OTUD7A: variants seen among roughly 807,000 people sequenced by gnomAD.
OTUD7A encodes OTU domain-containing protein 7A.
OTUD7A carries 12 observed loss-of-function variants against 65.7 expected under a neutral mutation model. That is an observed-to-expected ratio of 0.18 (90% confidence interval 0.12 to 0.30). OTUD7A has a LOEUF of 0.30. Among genes scored for constraint, OTUD7A ranks in the 10% least tolerant of loss-of-function variants. OTUD7A has a pLI of 1.00. For missense variants in OTUD7A, 1,148 were observed against 1,304.8 expected, an observed-to-expected ratio of 0.88 and a Z score of 1.85; for synonymous variants, 641 against 586.3, an observed-to-expected ratio of 1.09 and a Z score of -1.35.
intron 1 of OTUD7A, among the ~76,000 whole-genome samples, chr15:31,846,678 C>T (rs1171752607): frequency 2.0e-5 from 3 of 152,174 alleles, no homozygotes; most frequent in Non-Finnish European, 2.9e-5. Flanking sequence ...AACACAGTGT[C>T]ACATGGCCAC....
Position 31,527,244 on chromosome 15 carries a change from C to T in OTUD7A, c.717G>A (p.Thr239=), listed in dbSNP as rs148317815. 208 of 1,614,222 alleles carry T rather than the reference C, an allele frequency of 1.3e-4. 1 individual carries two copies. In the African/African-American group the frequency reaches 1.6e-3, roughly 13 times the overall value. ...LRKALYTMMR[T]GAEREALKRR... Reference sequence around the variant, plus strand: ...GCTTCAGGGCTTCCCTCTCAGCTCCCGTCCTCATCATGGTATAGAGAGCTT... The same window carrying T: ...GCTTCAGGGCTTCCCTCTCAGCTCCTGTCCTCATCATGGTATAGAGAGCTT... Residue 239 remains threonine (T), a synonymous_variant, in exon 7 of 13, where the codon ACG becomes ACA. Coordinates refer to ENST00000307050, the MANE Select transcript of OTUD7A (RefSeq NM_001382637.1).
chr15:31,753,310 A>C (rs954385484), intron 1 of OTUD7A, among the ~76,000 whole-genome samples: 2 of 152,098 alleles, frequency 1.3e-5, no homozygotes, highest in Non-Finnish European at 2.9e-5. Context: ...ATATTTATTT[A>C]TATTTCCATA....
chr15:31,515,476 C>T (rs1317424645), intron 8 of OTUD7A, among the ~76,000 whole-genome samples: 7 of 152,150 alleles, frequency 4.6e-5, no homozygotes, highest in Non-Finnish European at 1.0e-4. Flanking sequence ...ATTCATTGAG[C>T]ACTTACTATA....
chr15:31,764,448 T>A (rs1261366356), intron 1 of OTUD7A, among the ~76,000 whole-genome samples: 5 of 152,082 alleles, frequency 3.3e-5, no homozygotes, highest in Admixed American at 1.3e-4. Flanking sequence ...ATATATTTCT[T>A]TACACTTAAG....
intron 3 of OTUD7A, among the ~76,000 whole-genome samples, chr15:31,595,593 TACAAAGTATC>T (rs1889880436): frequency 6.6e-6 from 1 of 152,354 alleles, no homozygotes; most frequent in African/African-American, 2.4e-5. Context: ...CATCATTTCC[TACAAAGTATC>T]ACACACATAG....
intron 8 of OTUD7A, among the ~76,000 whole-genome samples, chr15:31,514,240 G>A (rs1172134309): frequency 6.6e-6 from 1 of 151,670 alleles, no homozygotes; most frequent in South Asian, 2.1e-4. Flanking sequence ...TTGTAGAGAC[G>A]GGGTCTCGCT....
At chr15:31,727,039 C>G (rs1478134845) in intron 1 of OTUD7A, among the ~76,000 whole-genome samples, 1 of 152,224 alleles carries the variant, frequency 6.6e-6, no homozygotes, top group Non-Finnish European at 1.5e-5. Flanking sequence ...AGGCTGTGGA[C>G]CAGGGCCATG....
Position 31,487,090 on chromosome 15 carries a change from C to T in OTUD7A, c.1371+104G>A. The T allele has an allele frequency of 8.6e-7, 1 of 1,158,518 alleles. No homozygotes were observed. Among genetic ancestry groups the T allele is most frequent in the South Asian group, 1.4e-5 (1 of 70,894 alleles). 71.8% of individuals were successfully genotyped at this position (1,158,518 alleles called of 1,614,324 possible). On this transcript the variant is annotated intron_variant, in intron 12 of 12. Coordinates refer to ENST00000307050, the MANE Select transcript of OTUD7A (RefSeq NM_001382637.1). This position sits in a 1 kb window ranked among gnomAD's most constrained non-coding sequence, Gnocchi z 6.0. ...GCTGGGGTGGGCGGCCGGGCAGGGGCAGGCAAGAGTGTGGGAGCATTTGGG... is the reference window on the plus strand; with the variant it reads ...GCTGGGGTGGGCGGCCGGGCAGGGGTAGGCAAGAGTGTGGGAGCATTTGGG...
chr15:31,861,483 TG>T (rs544778740), intron 1 of OTUD7A, among the ~76,000 whole-genome samples: 1 of 152,126 alleles, frequency 6.6e-6, no homozygotes, highest in South Asian at 2.1e-4. Flanking sequence ...AGATTGTAAA[TG>T]GGATAAGTCA....
chr15:31,861,133 T>C (rs1034447461), intron 1 of OTUD7A, among the ~76,000 whole-genome samples: 2 of 152,104 alleles, frequency 1.3e-5, no homozygotes, highest in African/African-American at 4.8e-5. Context: ...AGGGAACTAA[T>C]TTTGTACAGA....
At chr15:31,561,689 A>G (rs563598109) in intron 4 of OTUD7A, among the ~76,000 whole-genome samples, 1 of 152,262 alleles carries the variant, frequency 6.6e-6, no homozygotes, top group Non-Finnish European at 1.5e-5. Context: ...TGCGTTGAAG[A>G]TCATATAAAA....
chr15:31,518,484 AAAGT>A (rs1241879826), intron 8 of OTUD7A, among the ~76,000 whole-genome samples: 4 of 152,146 alleles, frequency 2.6e-5, no homozygotes, highest in African/African-American at 7.2e-5. Flanking sequence ...TTAAAAAAAA[AAAGT>A]AAGTGCACAT....
rs118033973 is a variant in OTUD7A, at chr15:31,576,837, C to A, written c.152-6640G>T. 4.0e-3 allele frequency among the ~76,000 whole-genome samples: 609 copies of A among 152,270 alleles called. 3 individuals are homozygous for A. Among genetic ancestry groups the A allele is most frequent in the Non-Finnish European group, 6.8e-3 (464 of 68,016 alleles). On this transcript the variant is annotated intron_variant, in intron 3 of 12. Transcript: ENST00000307050. ...AAAATCCTAATCCCCACCAACTAAC[C>A]AAATGAACCCTCTCTGGGCCAAGAG...
chr15:31,489,971 G>C (rs1214201493), intron 10 of OTUD7A, among the ~76,000 whole-genome samples: 2 of 152,244 alleles, frequency 1.3e-5, no homozygotes, highest in Non-Finnish European at 2.9e-5. Flanking sequence ...AGGCTCTACG[G>C]ACATGCCTGC....
rs2041002732 is a variant in OTUD7A at position 31,475,422 on chromosome 15, T to C, written c.*7872A>G. The C allele has an allele frequency of 6.6e-6, 1 of 152,220 alleles. No homozygotes were observed. The highest frequency in any genetic ancestry group is 1.5e-5 in the Non-Finnish European group (1 of 68,038). 9.4% of individuals were successfully genotyped at this position (152,220 alleles called of 1,614,324 possible). On this transcript the variant is annotated 3_prime_UTR_variant, in exon 13 of 13. Transcript: ENST00000307050. The stretch of plus-strand genomic sequence containing the variant: ...ATACTTTACAAACATGTTAATTTTA[T>C]TGAGTAGGCATCAAAGCTTCTCTCT...
At chr15:31,695,198 T>A (rs1388070588) in intron 1 of OTUD7A, among the ~76,000 whole-genome samples, 2 of 122,074 alleles carry the variant, frequency 1.6e-5, no homozygotes, top group African/African-American at 2.5e-5. Flanking sequence ...GGTGGTTCCA[T>A]GTCTTGGCTA....
chr15:31,619,041 C>T (rs965046651), intron 3 of OTUD7A, among the ~76,000 whole-genome samples: 13 of 152,142 alleles, frequency 8.5e-5, no homozygotes, highest in Non-Finnish European at 1.8e-4. Context: ...AATCCTTTCC[C>T]CATTTCTTGT....
At chr15:31,593,684 C>T (rs945364724) in intron 3 of OTUD7A, among the ~76,000 whole-genome samples, 1 of 151,710 alleles carries the variant, frequency 6.6e-6, no homozygotes, top group Non-Finnish European at 1.5e-5. Flanking sequence ...CCAGAGAGGA[C>T]CAAAATGATA....
At chr15:31,804,563 C>T (rs1896219399) in intron 1 of OTUD7A, among the ~76,000 whole-genome samples, 1 of 152,148 alleles carries the variant, frequency 6.6e-6, no homozygotes. Context: ...TCCTACTGCC[C>T]CTCGACTTCA....
Sources: allele counts gnomAD v4.1 joint callset (sites outside exome capture counted in the v4.1 genomes callset), GRCh38; gene constraint gnomAD v4.1.1; non-coding constraint Gnocchi (gnomAD v3.1); transcripts MANE v1.5; gene names NCBI Gene and HGNC (gene_info 2026-07-23, HGNC 2026-07-21).